SYNPO: variants seen among roughly 807,000 people sequenced by gnomAD.
SYNPO encodes the protein synaptopodin.
Under a neutral mutation model 49.5 loss-of-function variants are expected in SYNPO, and 19 were observed. The ratio of observed to expected loss-of-function variants is 0.38; its 90% CI spans 0.27 to 0.56. SYNPO has a LOEUF of 0.56. Ranked by LOEUF, SYNPO falls within the 20% of genes least tolerant of loss-of-function variation. SYNPO has a pLI of 0.68. For synonymous variants in SYNPO, 536 were observed against 548.0 expected (o/e 0.98, Z 0.31); for missense variants, 1,131 against 1,248.3 (o/e 0.91, Z 1.42).
chr5:150,656,682 C>G lies in SYNPO; in HGVS notation c.2307C>G (p.Ser769Arg), dbSNP rs1256402011. The G allele has an allele frequency of 6.8e-7, 1 of 1,463,462 alleles. No homozygotes were observed. The highest frequency in any genetic ancestry group is 2.4e-5 in the Admixed American group (1 of 41,310). The allele number at this position is 1,463,462 out of a possible 1,614,324, so 90.7% of individuals were successfully genotyped here. A position where few individuals can be genotyped will look rare whatever the true frequency, so the allele number is the denominator to read the frequency against. ...RNIINAARRKSASPRSAGAEN... is the reference protein window; with the variant it reads ...RNIINAARRKRASPRSAGAEN... ...TCATCAATGCGGCCCGGCGCAAGAG[C>G]GCCTCCCCGCGGTCGGCGGGCGCCG... Residue 769 changes from serine (S) to arginine (R), a missense_variant, in exon 3 of 3, where the codon AGC (serine) becomes AGG (arginine). Ser to Arg is a moderately radical substitution (Grantham distance 110). Transcript: ENST00000307662.
upstream of SYNPO, among the ~76,000 whole-genome samples, chr5:150,597,343 GTTTTT>G (rs1268360385): frequency 6.6e-6 from 1 of 152,094 alleles, no homozygotes; most frequent in Non-Finnish European, 1.5e-5. Context: ...GTTTTGTTTT[GTTTTT>G]GAGACAGAGT....
At chr5:150,633,850 G>T (rs1384973191) in intron 2 of SYNPO, among the ~76,000 whole-genome samples, 2 of 152,048 alleles carry the variant, frequency 1.3e-5, no homozygotes, top group East Asian at 3.9e-4. Flanking sequence ...GGCTGTGTGC[G>T]GTGGCTCATT....
Position 150,657,415 on chromosome 5 carries a change from T to TC in SYNPO, c.*328_*329insC, listed in dbSNP as rs1758612446. On this transcript the variant is annotated 3_prime_UTR_variant, in exon 3 of 3. Transcript: ENST00000307662. ...ACACCGATGCACACACACTCTCTCT[T>TC]TCTCTCTCTCTCTCTCTCACACACA... The TC allele has an allele frequency of 3.1e-5, 6 of 192,226 alleles. No individual in the cohort carries two copies. The highest frequency in any genetic ancestry group is 8.4e-5 in the African/African-American group (3 of 35,924). The allele number at this position is 192,226 out of a possible 1,614,324, so 11.9% of individuals were successfully genotyped here.
Position 150,649,571 on chromosome 5 carries a change from G to A in SYNPO, c.1296G>A (p.Gln432=), listed in dbSNP as rs1420520334. 1 of 1,610,632 alleles carries A rather than the reference G, an allele frequency of 6.2e-7. No homozygotes were observed. Among genetic ancestry groups the A allele is most frequent in the Non-Finnish European group, 8.5e-7 (1 of 1,178,726 alleles). Residue 432 remains glutamine, a synonymous_variant, in exon 2 of 3, where the codon CAG becomes CAA. Coordinates refer to ENST00000307662, the MANE Select transcript of SYNPO (RefSeq NM_007286.6). ...ALGAEASNFQ[Q]EPAPRDRASP... ...GGGCCGAGGCCTCCAACTTCCAGCA[G>A]GAGCCAGCACCTCGTGACAGGGCCA...
upstream of SYNPO, among the ~76,000 whole-genome samples, chr5:150,636,184 C>T (rs113726596): frequency 0.018 from 2,738 of 152,288 alleles, 84 homozygotes; most frequent in African/African-American, 0.061. Flanking sequence ...ATGAATGAAT[C>T]CATGCACCAC....
chr5:150,644,706 G>A (rs139161263), intron 1 of SYNPO, among the ~76,000 whole-genome samples: 2 of 152,328 alleles, frequency 1.3e-5, no homozygotes, highest in East Asian at 1.9e-4. Context: ...CAGGCCAGGA[G>A]GCCTGGTTTC....
chr5:150,587,641 C>T, the SYNPO span, among the ~76,000 whole-genome samples: 2 of 152,146 alleles, frequency 1.3e-5, no homozygotes, highest in African/African-American at 4.8e-5. Flanking sequence ...TAAAATAAAA[C>T]ATAGCATTAT....
intron 1 of SYNPO, among the ~76,000 whole-genome samples, chr5:150,646,065 C>A (rs989003234): frequency 6.6e-6 from 1 of 151,878 alleles, no homozygotes; most frequent in Non-Finnish European, 1.5e-5. Flanking sequence ...TATAGTGGCT[C>A]ATGCCTATAA....
Position 150,657,033 on chromosome 5 carries a change from C to T in SYNPO, c.2658C>T (p.Gly886=), listed in dbSNP as rs1157462224. The T allele has an allele frequency of 6.2e-7, 1 of 1,603,254 alleles. No homozygotes were observed. The highest frequency in any genetic ancestry group is 8.5e-7 in the Non-Finnish European group (1 of 1,176,048). ...ATATCTGTCCCCGCGGGTGGAATGG[C>T]AGCCTTCGGCTCAAGCGTGGCAGCC... The part of the protein sequence containing the change: ...GYNICPRGWN[G]SLRLKRGSLP... The change falls in exon 3 of 3, where the codon GGC becomes GGT. Residue 886 remains glycine, a synonymous_variant. Transcript: ENST00000307662.
chr5:150,649,430 G>A lies in SYNPO; in HGVS notation c.1155G>A (p.Glu385=). 1 of 1,614,210 alleles carries A rather than the reference G, an allele frequency of 6.2e-7. No homozygotes were observed. Among genetic ancestry groups the A allele is most frequent in the Non-Finnish European group, 8.5e-7 (1 of 1,180,032 alleles). ...GSRKSMFTFV[E]KPKVTPNPDL... ...GCAAATCCATGTTTACTTTCGTGGA[G>A]AAGCCCAAGGTGACCCCGAATCCAG... is the stretch of plus-strand genomic sequence containing the variant. The change falls in exon 2 of 3, where the codon GAG becomes GAA. Residue 385 remains glutamate, a synonymous_variant. Coordinates refer to ENST00000307662, the MANE Select transcript of SYNPO (RefSeq NM_007286.6).
chr5:150,635,524 A>C (rs887830197), intron 2 of SYNPO, among the ~76,000 whole-genome samples: 1 of 152,188 alleles, frequency 6.6e-6, no homozygotes, highest in African/African-American at 2.4e-5. Context: ...GCTGGAGTGC[A>C]GTGACGCAAT....
At chr5:150,589,952 C>G in the SYNPO span, among the ~76,000 whole-genome samples, 1 of 152,340 alleles carries the variant, frequency 6.6e-6, no homozygotes, top group African/African-American at 2.4e-5. Context: ...GACCCACATC[C>G]CCCGCCAGGG....
At chr5:150,632,530 G>A (rs908129247) in intron 2 of SYNPO, among the ~76,000 whole-genome samples, 1 of 152,204 alleles carries the variant, frequency 6.6e-6, no homozygotes, top group African/African-American at 2.4e-5. Flanking sequence ...ATTAGGATGG[G>A]CGTCAGGAGG....
chr5:150,596,555 T>G (rs952003079), upstream of SYNPO, among the ~76,000 whole-genome samples: 2 of 152,084 alleles, frequency 1.3e-5, no homozygotes, highest in African/African-American at 4.8e-5. Flanking sequence ...CACATCTGGA[T>G]GGAATTTACC....
chr5:150,619,979 C>T (rs1056732829), intron 2 of SYNPO, among the ~76,000 whole-genome samples: 2 of 152,144 alleles, frequency 1.3e-5, no homozygotes, highest in African/African-American at 4.8e-5. Flanking sequence ...TGGGCCCTCA[C>T]ACCAGAGTCC....
In SYNPO at chr5:150,657,415, T is replaced by C. The variant is rs868035217; in HGVS notation, c.*328T>C. Reference sequence around the variant, plus strand: ...ACACCGATGCACACACACTCTCTCTTTCTCTCTCTCTCTCTCTCACACACA... The same window carrying C: ...ACACCGATGCACACACACTCTCTCTCTCTCTCTCTCTCTCTCTCACACACA... On this transcript the variant is annotated 3_prime_UTR_variant, in exon 3 of 3. Transcript: ENST00000307662. 7.6e-3 allele frequency: 1,466 copies of C among 191,932 alleles called. 11 individuals are homozygous for C. The highest frequency in any genetic ancestry group is 0.024 in the African/African-American group (864 of 35,980). The allele number at this position is 191,932 out of a possible 1,614,324, so 11.9% of individuals were successfully genotyped here.
intron 1 of SYNPO, among the ~76,000 whole-genome samples, chr5:150,611,616 A>C (rs1756849334): frequency 6.6e-6 from 1 of 152,122 alleles, no homozygotes; most frequent in Non-Finnish European, 1.5e-5. Flanking sequence ...GCAGAAATGG[A>C]GGGAGGACTA....
At chr5:150,620,088 C>T (rs1757106086) in intron 2 of SYNPO, among the ~76,000 whole-genome samples, 1 of 152,210 alleles carries the variant, frequency 6.6e-6, no homozygotes, top group African/African-American at 2.4e-5. Context: ...GCTTTCTAGA[C>T]TGGATGTTGC....
intron 2 of SYNPO, among the ~76,000 whole-genome samples, chr5:150,629,676 G>C (rs1757475619): frequency 6.6e-6 from 1 of 152,300 alleles, no homozygotes; most frequent in Admixed American, 6.5e-5. Flanking sequence ...GAGTCTAAGA[G>C]TGCTTGAAAG....
Sources: allele counts gnomAD v4.1 joint callset (sites outside exome capture counted in the v4.1 genomes callset), GRCh38; gene constraint gnomAD v4.1.1; transcripts MANE v1.5; gene names NCBI Gene and HGNC (gene_info 2026-07-23, HGNC 2026-07-21).